LINGO2: variants seen among roughly 807,000 people sequenced by gnomAD.
LINGO2 encodes leucine-rich repeat and immunoglobulin-like domain-containing nogo receptor-interacting protein 2.
Under a neutral mutation model 30.6 loss-of-function variants are expected in LINGO2, and 14 were observed. That is an observed-to-expected ratio of 0.46 (90% CI 0.30 to 0.72). The LOEUF (loss-of-function observed/expected upper bound fraction) is 0.72, where lower values mean the gene tolerates loss of function less well. Among genes scored for constraint, LINGO2 ranks in the 30% least tolerant of loss-of-function variants. The probability of loss-of-function intolerance (pLI) is 0.07; values close to 1 mark genes in which losing one functional copy is unlikely to be tolerated. For missense variants in LINGO2, 729 were observed against 751.7 expected, an observed-to-expected ratio of 0.97 and a Z score of 0.35; for synonymous variants, 317 against 288.5, an observed-to-expected ratio of 1.10 and a Z score of -1.00.
intron 1 of LINGO2, among the ~76,000 whole-genome samples, chr9:28,576,578 G>T (rs1227772035): frequency 6.6e-6 from 1 of 152,246 alleles, no homozygotes; most frequent in South Asian, 2.1e-4. Flanking sequence ...CAAAATTAGG[G>T]TATAACTTGA....
At chr9:29,105,896 A>C in the LINGO2 span, among the ~76,000 whole-genome samples, 1 of 152,168 alleles carries the variant, frequency 6.6e-6, no homozygotes, top group East Asian at 1.9e-4. Flanking sequence ...ATAGTGAAAT[A>C]AATTATGCCA....
At chr9:28,531,379 A>G (rs1821232171) in intron 1 of LINGO2, among the ~76,000 whole-genome samples, 1 of 152,082 alleles carries the variant, frequency 6.6e-6, no homozygotes, top group Admixed American at 6.6e-5. Context: ...CCAAGTTTCA[A>G]CACTATAACA....
At chr9:28,686,870 C>G in the LINGO2 span, among the ~76,000 whole-genome samples, 15,365 of 151,916 alleles carry the variant, frequency 0.1, 1,012 homozygotes, top group East Asian at 0.2. Context: ...CACTGAAGAT[C>G]CAATTTTGAA....
chr9:29,183,731 T>C, the LINGO2 span, among the ~76,000 whole-genome samples: 2 of 152,086 alleles, frequency 1.3e-5, no homozygotes, highest in African/African-American at 2.4e-5. Flanking sequence ...TTCCTCATGT[T>C]CTGTTCACAT....
intron 4 of LINGO2, among the ~76,000 whole-genome samples, chr9:28,142,713 G>C (rs1442412043): frequency 2.0e-5 from 3 of 152,172 alleles, no homozygotes; most frequent in African/African-American, 4.8e-5. Flanking sequence ...TTGATTGACA[G>C]AACTATCCCA....
intron 4 of LINGO2, among the ~76,000 whole-genome samples, chr9:28,218,567 C>T (rs1183689536): frequency 6.6e-6 from 1 of 152,060 alleles, no homozygotes; most frequent in African/African-American, 2.4e-5. Context: ...GCCCAATATC[C>T]CGTGCCACAA....
intron 4 of LINGO2, among the ~76,000 whole-genome samples, chr9:28,128,668 T>C (rs1827303507): frequency 6.6e-6 from 1 of 152,176 alleles, no homozygotes; most frequent in Admixed American, 6.5e-5. Flanking sequence ...TGGACTCAAC[T>C]TCTCTACGGT....
At chr9:28,852,763 A>G in the LINGO2 span, among the ~76,000 whole-genome samples, 2 of 152,074 alleles carry the variant, frequency 1.3e-5, no homozygotes, top group Non-Finnish European at 2.9e-5. Flanking sequence ...AACTTTTCCT[A>G]TAAAAAGTGA....
chr9:28,044,562 A>C (rs759425269), intron 4 of LINGO2, among the ~76,000 whole-genome samples: 15 of 152,172 alleles, frequency 9.9e-5, no homozygotes, highest in Non-Finnish European at 1.9e-4. Context: ...GATAGGCCTT[A>C]TAACAATATT....
chr9:29,099,618 C>T, the LINGO2 span, among the ~76,000 whole-genome samples: 6 of 152,178 alleles, frequency 3.9e-5, no homozygotes, highest in South Asian at 6.2e-4. Flanking sequence ...TAGCAGCAAA[C>T]AGGTATATGA....
intron 4 of LINGO2, among the ~76,000 whole-genome samples, chr9:28,031,086 C>G (rs1035388215): frequency 6.6e-6 from 1 of 152,136 alleles, no homozygotes; most frequent in East Asian, 1.9e-4. Flanking sequence ...ATTAATGAGG[C>G]TTTATAGTGT....
At chr9:29,122,564 A>G in the LINGO2 span, among the ~76,000 whole-genome samples, 2 of 152,184 alleles carry the variant, frequency 1.3e-5, no homozygotes, top group Non-Finnish European at 2.9e-5. Flanking sequence ...AGCATTTACT[A>G]AGATGCAATC....
At position 28,349,080 on chromosome 9, in the gene LINGO2, A is replaced by G. The variant is rs555120011; in HGVS notation, c.-246+23756T>C. Among the ~76,000 whole-genome samples, 1,508 of 152,180 alleles carry G rather than the reference A, an allele frequency of 9.9e-3. 31 individuals are homozygous for G. Among genetic ancestry groups the G allele is most frequent in the African/African-American group, 0.034 (1,416 of 41,518 alleles). On this transcript the variant is annotated intron_variant, in intron 3 of 5. Coordinates refer to ENST00000379992, the Ensembl canonical transcript of LINGO2. The stretch of plus-strand genomic sequence containing the variant: ...AGAACAGAAAAACTGGAAACTCTAA[A>G]AAGCAGAGCGCCTCTCCTCCTCCAA...
chr9:28,822,326 G>A, the LINGO2 span, among the ~76,000 whole-genome samples: 1 of 152,178 alleles, frequency 6.6e-6, no homozygotes, highest in Non-Finnish European at 1.5e-5. Flanking sequence ...AAGAGGACAT[G>A]CTAAACTGAT....
At chr9:27,976,762 G>A (rs960021555) in intron 5 of LINGO2, among the ~76,000 whole-genome samples, 2 of 152,026 alleles carry the variant, frequency 1.3e-5, no homozygotes, top group Non-Finnish European at 2.9e-5. Flanking sequence ...TTAGGAAGGT[G>A]ATTAAGCTTT....
At chr9:28,402,323 T>C (rs1170368258) in intron 2 of LINGO2, among the ~76,000 whole-genome samples, 1 of 152,120 alleles carries the variant, frequency 6.6e-6, no homozygotes, top group East Asian at 1.9e-4. Flanking sequence ...AAAGTGTTAG[T>C]ATGTGAAAAG....
chr9:28,522,044 T>C (rs1427018640), intron 1 of LINGO2, among the ~76,000 whole-genome samples: 1 of 152,200 alleles, frequency 6.6e-6, no homozygotes, highest in Non-Finnish European at 1.5e-5. Flanking sequence ...GAGAATAAAT[T>C]TCTATTTTTT....
intron 2 of LINGO2, among the ~76,000 whole-genome samples, chr9:28,471,650 T>A (rs1825524736): frequency 6.6e-6 from 1 of 152,032 alleles, no homozygotes; most frequent in Admixed American, 6.6e-5. Flanking sequence ...AAAACAAAAA[T>A]CTCTGATAAT....
intron 1 of LINGO2, among the ~76,000 whole-genome samples, chr9:28,575,324 C>T (rs1239525104): frequency 2.0e-5 from 3 of 150,094 alleles, no homozygotes; most frequent in Admixed American, 6.7e-5. Context: ...GCTTGAACCT[C>T]GGCGGCAGAG....
Sources: allele counts gnomAD v4.1 joint callset (sites outside exome capture counted in the v4.1 genomes callset), GRCh38; gene constraint gnomAD v4.1.1; transcripts MANE v1.5; gene names NCBI Gene and HGNC (gene_info 2026-07-23, HGNC 2026-07-21).